FBXO25: variants seen among roughly 807,000 people sequenced by gnomAD.
The protein encoded by FBXO25 is F-box protein 25, also known as F-box only protein 25.
Under a neutral mutation model 51.9 loss-of-function variants are expected in FBXO25, and 45 were observed. That is an observed-to-expected ratio of 0.87 (90% CI 0.68 to 1.11). The LOEUF (loss-of-function observed/expected upper bound fraction) is 1.11, where lower values mean the gene tolerates loss of function less well. Ranked by LOEUF, FBXO25 falls within the 50% of genes most tolerant of loss-of-function variation. FBXO25 has a pLI of 0.00. For synonymous variants in FBXO25, 199 were observed against 151.0 expected (o/e 1.32, Z -2.33); for missense variants, 507 against 428.5 (o/e 1.18, Z -1.62).
chr8:442,864 A>G lies in FBXO25; in HGVS notation c.382-7126A>G, dbSNP rs1237360759. Among the ~76,000 whole-genome samples the G allele has an allele frequency of 2.0e-5, 3 of 152,188 alleles. No homozygotes were observed. In the East Asian group the frequency reaches 5.8e-4, roughly 29 times the overall value. ...CAGAAAAAGATATATTTACATGTAT[A>G]TTTTTCAGTTTTCCTAATTGTCGAT... On this transcript the variant is annotated intron_variant, in intron 5 of 9. Coordinates refer to ENST00000350302, the MANE Select transcript of FBXO25 (RefSeq NM_183420.2).
chr8:460,774 G>C (rs1799757586), intron 8 of FBXO25, among the ~76,000 whole-genome samples: 1 of 152,216 alleles, frequency 6.6e-6, no homozygotes, highest in African/African-American at 2.4e-5. Flanking sequence ...AACAGTACCT[G>C]CCTGGAGGAC....
intron 5 of FBXO25, among the ~76,000 whole-genome samples, chr8:440,158 CTT>C (rs1798339853): frequency 6.6e-6 from 1 of 152,140 alleles, no homozygotes; most frequent in South Asian, 2.1e-4. Flanking sequence ...AATTCTGTCT[CTT>C]TCTTATTTAT....
intron 5 of FBXO25, among the ~76,000 whole-genome samples, chr8:442,851 T>C (rs745394292): frequency 6.6e-6 from 1 of 152,250 alleles, no homozygotes; most frequent in Non-Finnish European, 1.5e-5. Context: ...GAAAAAGATA[T>C]ATTTACATGT....
intron 2 of FBXO25, among the ~76,000 whole-genome samples, chr8:428,785 A>T (rs191918216): frequency 3.3e-5 from 5 of 152,336 alleles, no homozygotes; most frequent in African/African-American, 1.2e-4. Context: ...TATAAGTCAA[A>T]TCAGACAGTA....
rs1800582401 is a variant in FBXO25 at position 474,415 on chromosome 8, CTGAG to C, written c.*5613_*5616del. 3.5e-6 allele frequency: 1 copy of C among 284,032 alleles called. No homozygotes were observed. The highest frequency in any genetic ancestry group is 2.3e-5 in the African/African-American group (1 of 43,846). The allele number at this position is 284,032 out of a possible 1,614,324, so 17.6% of individuals were successfully genotyped here. On this transcript the variant is annotated 3_prime_UTR_variant, in exon 10 of 10. Coordinates refer to ENST00000350302, the MANE Select transcript of FBXO25 (RefSeq NM_183420.2). ...GCCGTAAACATGGGTGTGCAAATAT[CTGAG>C]TCTCTGCTTTCAATCATATGGCAAT... is the stretch of plus-strand genomic sequence containing the variant.
intron 2 of FBXO25, among the ~76,000 whole-genome samples, chr8:429,871 G>T (rs1304097698): frequency 1.3e-5 from 2 of 152,216 alleles, no homozygotes; most frequent in Non-Finnish European, 2.9e-5. Flanking sequence ...AGTGTGGGTA[G>T]CCCCCAGGGA....
intron 7 of FBXO25, among the ~76,000 whole-genome samples, chr8:456,949 A>C (rs1025425538): frequency 6.6e-6 from 1 of 152,160 alleles, no homozygotes; most frequent in Non-Finnish European, 1.5e-5. Flanking sequence ...CTCTCCACAG[A>C]GGTCAGGTGA....
chr8:436,390 G>A (rs1248584068), intron 5 of FBXO25, among the ~76,000 whole-genome samples: 2 of 152,188 alleles, frequency 1.3e-5, no homozygotes, highest in South Asian at 2.1e-4. Context: ...TTGGAAAAAT[G>A]TTGCTTTTAA....
chr8:451,136 T>C (rs1194903344), intron 6 of FBXO25, 133 bp from the exon 7 acceptor site: 4 of 675,306 alleles, frequency 5.9e-6, no homozygotes, highest in South Asian at 2.3e-5. Context: ...CTGAATAATA[T>C]TCTATTGCAT....
In FBXO25 at chr8:431,371, C is replaced by G. The variant is rs751475305; in HGVS notation, c.165C>G (p.Phe55Leu). ...IILNSEDGEIFNNEEHEYASK... is the reference protein window; with the variant it reads ...IILNSEDGEILNNEEHEYASK... Reference sequence around the variant, plus strand: ...TAAATAGTGAAGATGGAGAAATATTCAATAATGAAGAGCATGAATATGCAT... The same window carrying G: ...TAAATAGTGAAGATGGAGAAATATTGAATAATGAAGAGCATGAATATGCAT... Residue 55 changes from phenylalanine (F) to leucine (L), a missense_variant, in exon 3 of 10, where the codon TTC (phenylalanine) becomes TTG (leucine). Transcript: ENST00000350302. 2 of 1,530,704 alleles carry G rather than the reference C, an allele frequency of 1.3e-6. No homozygotes were observed. Among genetic ancestry groups the G allele is most frequent in the South Asian group, 2.5e-5 (2 of 80,976 alleles). 94.8% of individuals were successfully genotyped at this position (1,530,704 alleles called of 1,614,324 possible).
chr8:425,016 TA>T (rs1797385118), intron 2 of FBXO25, among the ~76,000 whole-genome samples: 1 of 152,218 alleles, frequency 6.6e-6, no homozygotes, highest in African/African-American at 2.4e-5. Flanking sequence ...AAGAGTTTTA[TA>T]AAGTTGCCTG....
chr8:414,743 A>G (rs112319020), intron 2 of FBXO25, among the ~76,000 whole-genome samples: 3 of 152,112 alleles, frequency 2.0e-5, no homozygotes, highest in Admixed American at 6.5e-5. Context: ...GGCTGCTAAC[A>G]CAAGCATCCC....
chr8:413,526 A>G (rs953306577), intron 2 of FBXO25, among the ~76,000 whole-genome samples: 5 of 152,168 alleles, frequency 3.3e-5, no homozygotes, highest in Admixed American at 1.3e-4. Context: ...TTGGTGGCAT[A>G]TATCAGAAAT....
rs113648981 is a variant in FBXO25, at chr8:427,932, A to C, written c.135-3409A>C. ...GCACATTTCTGTAAAGCCTGTGCTT[A>C]AAACCCTAGAGTGGTCTGGGAGATG... On this transcript the variant is annotated intron_variant, in intron 2 of 9. Transcript: ENST00000350302. Among the ~76,000 whole-genome samples the C allele has an allele frequency of 9.8e-3, 1,494 of 152,170 alleles. 19 individuals carry two copies. The highest frequency in any genetic ancestry group is 0.034 in the African/African-American group (1,399 of 41,498).
Position 477,005 on chromosome 8 carries a change from C to T in FBXO25, c.*8201C>T, listed in dbSNP as rs1012467393. ...TTTGTATATTACATTTTTCATTTAC[C>T]ACAAGATATTTTCTAATTTCCCTTG... On this transcript the variant is annotated 3_prime_UTR_variant, in exon 10 of 10. Coordinates refer to ENST00000350302, the MANE Select transcript of FBXO25 (RefSeq NM_183420.2). The T allele has an allele frequency of 6.7e-6, 1 of 149,460 alleles. No individual in the cohort carries two copies. Among genetic ancestry groups the T allele is most frequent in the African/African-American group, 2.5e-5 (1 of 39,854 alleles). 9.3% of individuals were successfully genotyped at this position (149,460 alleles called of 1,614,324 possible). A position where few individuals can be genotyped will look rare whatever the true frequency, so the allele number is the denominator to read the frequency against.
At position 471,829 on chromosome 8, in the gene FBXO25, C is replaced by G. The variant is rs778873208; in HGVS notation, c.*3025C>G. 1.3e-5 allele frequency: 2 copies of G among 152,254 alleles called. No individual in the cohort carries two copies. The highest frequency in any genetic ancestry group is 4.1e-4 in the South Asian group (2 of 4,834). 9.4% of individuals were successfully genotyped at this position (152,254 alleles called of 1,614,324 possible). Reference sequence around the variant, plus strand: ...ATGACGTACAGGCTCTCTGTATGCACTGTGTGTGCGTACTGTACAGGGCTG... The same window carrying G: ...ATGACGTACAGGCTCTCTGTATGCAGTGTGTGTGCGTACTGTACAGGGCTG... On this transcript the variant is annotated 3_prime_UTR_variant, in exon 10 of 10. Transcript: ENST00000350302.
At chr8:427,245 T>A (rs536056707) in intron 2 of FBXO25, among the ~76,000 whole-genome samples, 1 of 152,164 alleles carries the variant, frequency 6.6e-6, no homozygotes, top group South Asian at 2.1e-4. Flanking sequence ...AGCTCCTGCT[T>A]GACAGAAGAG....
chr8:428,993 T>C (rs1797658785), intron 2 of FBXO25, among the ~76,000 whole-genome samples: 1 of 152,242 alleles, frequency 6.6e-6, no homozygotes, highest in Non-Finnish European at 1.5e-5. Context: ...GTAATACTGC[T>C]ATGAACGTGG....
intron 9 of FBXO25, chr8:468,303 G>A: frequency 9.8e-7 from 1 of 1,016,704 alleles, no homozygotes; most frequent in Middle Eastern, 4.9e-4. Context: ...CGGGTGGAGG[G>A]AACCCTGTGT....
Sources: gnomAD v4.1 joint callset for allele counts (sites outside exome capture counted in the v4.1 genomes callset) on GRCh38, gnomAD v4.1.1 for gene constraint, MANE v1.5 for transcripts, NCBI Gene and HGNC (gene_info 2026-07-23, HGNC 2026-07-21) for gene names.